The following DLST variants were observed in gnomAD, a reference collection of about 807,000 sequenced individuals.
The protein encoded by DLST is dihydrolipoyllysine-residue succinyltransferase component of 2-oxoglutarate dehydrogenase complex, mitochondrial.
DLST carries 17 observed loss-of-function variants against 53.1 expected under a neutral mutation model. The ratio of observed to expected loss-of-function variants is 0.32; its 90% CI spans 0.22 to 0.48. The LOEUF (loss-of-function observed/expected upper bound fraction) is 0.48, where lower values mean the gene tolerates loss of function less well. Among genes scored for constraint, DLST ranks in the 20% least tolerant of loss-of-function variants. DLST has a pLI of 0.99. For synonymous variants in DLST, 206 were observed against 204.8 expected, an observed-to-expected ratio of 1.01 and a Z score of -0.05; for missense variants, 512 against 583.9, an observed-to-expected ratio of 0.88 and a Z score of 1.27.
rs763725822 is a variant in DLST at position 74,898,461 on chromosome 14, C to T, written c.863C>T (p.Ser288Leu). Residue 288 changes from serine (S) to leucine (L), a missense_variant, in exon 11 of 15, where the codon TCA (serine) becomes TTA (leucine). Transcript: ENST00000334220. Reference sequence around the variant, plus strand: ...TTCATGTCGGCATTTGTGAAGGCCTCAGCCTTTGCCTTGCAGGAACAGCCT... The same window carrying T: ...TTCATGTCGGCATTTGTGAAGGCCTTAGCCTTTGCCTTGCAGGAACAGCCT... The part of the protein sequence containing the change: ...LGFMSAFVKA[S>L]AFALQEQPVV... 2.5e-6 allele frequency: 4 copies of T among 1,614,132 alleles called. No individual in the cohort carries two copies. In the East Asian group the frequency reaches 6.7e-5, roughly 27 times the overall value.
intron 5 of DLST, 23 bp from the exon 6 acceptor site, chr14:74,889,874 G>A (rs1883842274): frequency 6.2e-7 from 1 of 1,613,566 alleles, no homozygotes; most frequent in African/African-American, 1.3e-5. Flanking sequence ...AGGTAGCCTT[G>A]TAGCCTTTGA....
chr14:74,882,125 G>C (rs1257140676), intron 1 of DLST, 109 bp downstream of exon 1: 3 of 1,045,546 alleles, frequency 2.9e-6, no homozygotes, highest in Non-Finnish European at 3.7e-6. Flanking sequence ...GGCACCAAGG[G>C]CACTGGGACG....
In DLST at chr14:74,902,262, G is replaced by T; in HGVS notation, c.1294G>T (p.Ala432Ser). ...TCACCGGCTGATTGATGGCAGAGAGGCTGTGACTTTCCTCCGCAAAATCAA... is the reference window on the plus strand; with the variant it reads ...TCACCGGCTGATTGATGGCAGAGAGTCTGTGACTTTCCTCCGCAAAATCAA... ...YDHRLIDGRE[A>S]VTFLRKIKAA... Residue 432 changes from alanine to serine, a missense_variant, in exon 15 of 15, where the codon GCT (alanine) becomes TCT (serine). Ala to Ser is a moderately conservative substitution (Grantham distance 99). This residue lies in a region of DLST where 186 missense variants were observed against 260.4 expected (regional missense o/e 0.71). Transcript: ENST00000334220. 1 of 1,613,644 alleles carries T rather than the reference G, an allele frequency of 6.2e-7. No homozygotes were observed. Among genetic ancestry groups the T allele is most frequent in the Non-Finnish European group, 8.5e-7 (1 of 1,179,764 alleles).
chr14:74,883,139 C>G (rs1347895807), intron 2 of DLST, among the ~76,000 whole-genome samples: 4 of 151,726 alleles, frequency 2.6e-5, no homozygotes, highest in Admixed American at 1.3e-4. Flanking sequence ...CTAAAAAATA[C>G]AAAAAATTAG....
At position 74,900,321 on chromosome 14, in the gene DLST, A is replaced by G; in HGVS notation, c.1008A>G (p.Glu336=). 6.2e-7 allele frequency: 1 copy of G among 1,613,994 alleles called. No homozygotes were observed. Among genetic ancestry groups the G allele is most frequent in the South Asian group, 1.1e-5 (1 of 91,068 alleles). ...GLVVPVIRNV[E]AMNFADIERT... is the part of the protein sequence containing the mutation. ...TGGTTCCAGTCATCAGGAATGTGGA[A>G]GCTATGAATTTTGCAGATATTGAAC... The change falls in exon 13 of 15, where the codon GAA becomes GAG. Residue 336 remains glutamate (E), a synonymous_variant. Coordinates refer to ENST00000334220, the MANE Select transcript of DLST (RefSeq NM_001933.5).
chr14:74,901,131 C>T lies in DLST; in HGVS notation c.1125C>T (p.Gly375=), dbSNP rs374028730. 2.5e-6 allele frequency: 4 copies of T among 1,614,146 alleles called. No individual in the cohort carries two copies. Among genetic ancestry groups the T allele is most frequent in the South Asian group, 1.1e-5 (1 of 91,084 alleles). ...GTACCTTCACCATTAGCAATGGAGG[C>T]GTTTTTGGCTCGCTCTTTGGAACAC... ...DGGTFTISNG[G]VFGSLFGTPI... The change falls in exon 14 of 15, where the codon GGC becomes GGT. Residue 375 remains glycine, a synonymous_variant. Coordinates refer to ENST00000334220, the MANE Select transcript of DLST (RefSeq NM_001933.5).
At chr14:74,900,872 G>A (rs1884224202) in intron 13 of DLST, among the ~76,000 whole-genome samples, 194 bp from the exon 14 acceptor site, 1 of 151,080 alleles carries the variant, frequency 6.6e-6, no homozygotes, top group South Asian at 2.2e-4. Flanking sequence ...CTACAGGTGT[G>A]CACCACCATG....
intron 6 of DLST, among the ~76,000 whole-genome samples, chr14:74,890,364 C>G (rs1206701434): frequency 6.6e-6 from 1 of 151,924 alleles, no homozygotes; most frequent in Non-Finnish European, 1.5e-5. Context: ...GTGATCTGCC[C>G]GCCTTGGCCT....
At chr14:74,890,713 C>G (rs560497773) in intron 6 of DLST, among the ~76,000 whole-genome samples, 1 of 152,036 alleles carries the variant, frequency 6.6e-6, no homozygotes, top group Non-Finnish European at 1.5e-5. Context: ...ACTGGAGATA[C>G]GCTGTTGTTG....
In DLST at chr14:74,900,089, C is replaced by T. The variant is rs1213905874; in HGVS notation, c.975+93C>T. On this transcript the variant is annotated intron_variant, in intron 12 of 14. Transcript: ENST00000334220. ...CACAAGAGAAATCATTTCTTTAATT[C>T]TGTATTTTTAGAAGGGAGTTAGTAA... 3 of 1,240,014 alleles carry T rather than the reference C, an allele frequency of 2.4e-6. No homozygotes were observed. In the African/African-American group the frequency reaches 4.5e-5, roughly 19 times the overall value. 76.8% of individuals were successfully genotyped at this position (1,240,014 alleles called of 1,614,324 possible). A position where few individuals can be genotyped will look rare whatever the true frequency, so the allele number is the denominator to read the frequency against.
chr14:74,893,259 A>G, intron 8 of DLST, 89 bp from the exon 9 acceptor site: 1 of 1,412,578 alleles, frequency 7.1e-7, no homozygotes, highest in Admixed American at 1.7e-5. Flanking sequence ...CTTGAAGATT[A>G]AGTAACAGTA....
intron 10 of DLST, among the ~76,000 whole-genome samples, chr14:74,897,521 T>C (rs576233482): frequency 6.6e-6 from 1 of 152,342 alleles, no homozygotes; most frequent in African/African-American, 2.4e-5. Context: ...TAAAGGCTGC[T>C]CATGTTGTAA....
chr14:74,885,623 C>A lies in DLST; in HGVS notation c.135C>A (p.Ser45Arg), dbSNP rs1330449413. 6.2e-7 allele frequency: 1 copy of A among 1,613,156 alleles called. No individual in the cohort carries two copies. The highest frequency in any genetic ancestry group is 8.5e-7 in the Non-Finnish European group (1 of 1,179,584). The change falls in exon 3 of 15, where the codon AGC becomes AGA. Residue 45 changes from serine (S) to arginine (R), a missense_variant. Ser to Arg is a moderately radical substitution (Grantham distance 110). Transcript: ENST00000334220. ...GCCAGGGACCAGGTTACCCTAACAGCAGGAAGGTTGTGTAAGTATCACTGG... is the reference window on the plus strand; with the variant it reads ...GCCAGGGACCAGGTTACCCTAACAGAAGGAAGGTTGTGTAAGTATCACTGG... ...SLCQGPGYPN[S>R]RKVVINNSVF...
At chr14:74,901,773 G>C (rs1594883207) in intron 14 of DLST, among the ~76,000 whole-genome samples, 1 of 152,198 alleles carries the variant, frequency 6.6e-6, no homozygotes, top group East Asian at 1.9e-4. Flanking sequence ...ACCACAGTCT[G>C]TAGATCTTCC....
In DLST at chr14:74,881,962, C is replaced by G; in HGVS notation, c.9C>G (p.Ser3=). 6.4e-7 allele frequency: 1 copy of G among 1,566,946 alleles called. No homozygotes were observed. The highest frequency in any genetic ancestry group is 8.6e-7 in the Non-Finnish European group (1 of 1,164,162). ML[S]RSRCVSRAFS... Reference sequence around the variant, plus strand: ...TCGGCTCCTCCGCCGTGATGCTGTCCCGATCCCGCTGTGTGTCTCGGGCGT... The same window carrying G: ...TCGGCTCCTCCGCCGTGATGCTGTCGCGATCCCGCTGTGTGTCTCGGGCGT... The change falls in exon 1 of 15, where the codon TCC becomes TCG. Residue 3 remains serine, a synonymous_variant. Transcript: ENST00000334220.
intron 10 of DLST, among the ~76,000 whole-genome samples, chr14:74,895,826 G>C (rs1884060052): frequency 6.6e-6 from 1 of 152,174 alleles, no homozygotes; most frequent in Admixed American, 6.5e-5. Context: ...CTTGAACCCA[G>C]GAGGAGGTTG....
intron 6 of DLST, 121 bp from the exon 7 acceptor site, chr14:74,890,935 C>G: frequency 7.4e-7 from 1 of 1,343,972 alleles, no homozygotes; most frequent in Non-Finnish European, 9.8e-7. Context: ...GCCTTGGCAT[C>G]CCAATATGCT....
At chr14:74,898,622 G>C in intron 11 of DLST, 123 bp downstream of exon 11, 1 of 1,217,928 alleles carries the variant, frequency 8.2e-7, no homozygotes, top group South Asian at 1.7e-5. Context: ...AGAAATATCA[G>C]TATCTTCCCC....
At position 74,891,812 on chromosome 14, in the gene DLST, T is replaced by A. The variant is rs1038616290; in HGVS notation, c.442+645T>A. 1.0e-5 allele frequency: 10 copies of A among 985,306 alleles called. No individual in the cohort carries two copies. The African/African-American group carries it at 1.4e-4, about 14-fold the overall frequency. The allele number at this position is 985,306 out of a possible 1,614,324, so 61.0% of individuals were successfully genotyped here. A position where few individuals can be genotyped will look rare whatever the true frequency, so the allele number is the denominator to read the frequency against. The stretch of plus-strand genomic sequence containing the variant: ...CAGAAGTCTATTTCTTTTTCACTGT[T>A]ACACTAATAAGGCAGATAGACCGCA... On this transcript the variant is annotated intron_variant, in intron 7 of 14. Coordinates refer to ENST00000334220, the MANE Select transcript of DLST (RefSeq NM_001933.5).
Sources: allele counts gnomAD v4.1 joint callset (sites outside exome capture counted in the v4.1 genomes callset), GRCh38; gene constraint gnomAD v4.1.1; regional missense constraint gnomAD v4.1.1; transcripts MANE v1.5; gene names NCBI Gene and HGNC (gene_info 2026-07-23, HGNC 2026-07-21).